NARS2: variants seen among roughly 807,000 people sequenced by gnomAD.
The protein encoded by NARS2 is asparaginyl-tRNA synthetase.
Under a neutral mutation model 62.9 loss-of-function variants are expected in NARS2, and 60 were observed. That is an observed-to-expected ratio of 0.95 (90% CI 0.77 to 1.18). The LOEUF (loss-of-function observed/expected upper bound fraction) is 1.18. Among genes scored for constraint, NARS2 ranks in the 50% most tolerant of loss-of-function variants. The pLI, the probability that NARS2 is intolerant of heterozygous loss-of-function variation, is 0.00. For synonymous variants in NARS2, 196 were observed against 200.0 expected, an observed-to-expected ratio of 0.98 and a Z score of 0.17; for missense variants, 619 against 576.4, an observed-to-expected ratio of 1.07 and a Z score of -0.76.
intron 11 of NARS2, among the ~76,000 whole-genome samples, chr11:78,451,053 G>A (rs1048409100): frequency 2.0e-5 from 3 of 151,952 alleles, no homozygotes; most frequent in Admixed American, 6.6e-5. Flanking sequence ...CCCTTCCACC[G>A]TATCAGATTC....
Position 78,453,098 on chromosome 11 carries a change from G to A in NARS2, c.1165-9340C>T, listed in dbSNP as rs868113042. On this transcript the variant is annotated intron_variant, in intron 11 of 13. Transcript: ENST00000281038. The stretch of plus-strand genomic sequence containing the variant: ...AATCTCTATTGTGTTTCTGTGCATC[G>A]TTGGGAGGCTTGAACTAAGCAGAAG... Among the ~76,000 whole-genome samples the A allele has an allele frequency of 2.0e-5, 3 of 152,186 alleles. No individual in the cohort carries two copies. In the East Asian group the frequency reaches 5.8e-4, roughly 29 times the overall value.
At chr11:78,538,519 A>G (rs371461653) in intron 5 of NARS2, among the ~76,000 whole-genome samples, 1 of 152,306 alleles carries the variant, frequency 6.6e-6, no homozygotes, top group East Asian at 1.9e-4. Context: ...GCTCTTAAGC[A>G]GTAACAAGCA....
chr11:78,515,933 C>T (rs1452850219), intron 6 of NARS2, among the ~76,000 whole-genome samples: 1 of 152,112 alleles, frequency 6.6e-6, no homozygotes, highest in African/African-American at 2.4e-5. Context: ...TTACAGAAAC[C>T]CACCAGATAG....
intron 4 of NARS2, among the ~76,000 whole-genome samples, chr11:78,564,606 A>T (rs965398898): frequency 5.9e-5 from 9 of 152,114 alleles, no homozygotes; most frequent in Non-Finnish European, 1.2e-4. Flanking sequence ...CAATACCACC[A>T]CCTAGTGGCC....
rs536558092 is a variant in NARS2 at position 78,546,249 on chromosome 11, C to G, written c.594+13290G>C. 2.0e-5 allele frequency among the ~76,000 whole-genome samples: 3 copies of G among 152,312 alleles called. No individual in the cohort carries two copies. In the South Asian group the frequency reaches 6.2e-4, roughly 32 times the overall value. ...AGGTATCTCTGTCTTACCATGCAGC[C>G]TTCCCACACAAATAGTTTGAGGTCT... On this transcript the variant is annotated intron_variant, in intron 5 of 13. Coordinates refer to ENST00000281038, the MANE Select transcript of NARS2 (RefSeq NM_024678.6).
chr11:78,502,079 A>AT (rs1418823328), intron 6 of NARS2, among the ~76,000 whole-genome samples: 10 of 152,262 alleles, frequency 6.6e-5, no homozygotes, highest in African/African-American at 2.4e-4. Context: ...CAAAGGCCAC[A>AT]TACTATATGA....
intron 6 of NARS2, among the ~76,000 whole-genome samples, chr11:78,513,792 G>A (rs1000449075): frequency 1.3e-5 from 2 of 152,096 alleles, no homozygotes; most frequent in Non-Finnish European, 2.9e-5. Flanking sequence ...ACCTGTCTCT[G>A]CCCCAATCTC....
intron 5 of NARS2, chr11:78,533,447 G>A (rs1170163432): frequency 6.6e-6 from 1 of 152,176 alleles, no homozygotes; most frequent in East Asian, 1.9e-4. Context: ...TTATCATGGA[G>A]AAAGCAGTTT....
At chr11:78,443,871 G>A in intron 11 of NARS2, 113 bp from the exon 12 acceptor site, 2 of 674,768 alleles carry the variant, frequency 3.0e-6, no homozygotes, top group Non-Finnish European at 5.2e-6. Context: ...CTACCTACCA[G>A]AATCTTACTG....
At chr11:78,548,357 C>A (rs1453463890) in intron 5 of NARS2, among the ~76,000 whole-genome samples, 1 of 150,686 alleles carries the variant, frequency 6.6e-6, no homozygotes, top group Non-Finnish European at 1.5e-5. Context: ...CATCTAAAAA[C>A]GTTTAAAAGA....
chr11:78,543,831 G>A (rs1167382130), intron 5 of NARS2, among the ~76,000 whole-genome samples: 5 of 152,140 alleles, frequency 3.3e-5, no homozygotes, highest in Admixed American at 6.5e-5. Flanking sequence ...AAGAGATTGA[G>A]ACCATCCTGG....
chr11:78,521,572 C>T (rs755035144), intron 6 of NARS2, among the ~76,000 whole-genome samples: 1 of 152,136 alleles, frequency 6.6e-6, no homozygotes, highest in East Asian at 1.9e-4. Flanking sequence ...GAGCGGATCA[C>T]GAGGTCAGGA....
At chr11:78,499,206 G>A (rs989557344) in intron 6 of NARS2, among the ~76,000 whole-genome samples, 3 of 151,932 alleles carry the variant, frequency 2.0e-5, no homozygotes, top group Non-Finnish European at 4.4e-5. Flanking sequence ...GTGAGCCACC[G>A]CGCCCGGCCC....
At chr11:78,573,253 T>C (rs948103613) in intron 1 of NARS2, 1 of 152,200 alleles carries the variant, frequency 6.6e-6, no homozygotes, top group Non-Finnish European at 1.5e-5. Context: ...GTATTTATTA[T>C]AACAACATCT....
At chr11:78,552,708 T>C (rs2135495964) in intron 5 of NARS2, among the ~76,000 whole-genome samples, 1 of 152,258 alleles carries the variant, frequency 6.6e-6, no homozygotes, top group South Asian at 2.1e-4. Context: ...CCACTTCGAG[T>C]TCTCCCATCT....
intron 5 of NARS2, chr11:78,546,596 A>G (rs545879818): frequency 6.6e-6 from 1 of 152,358 alleles, no homozygotes; most frequent in East Asian, 1.9e-4. Context: ...CATGTCATGT[A>G]GTCAATTAAT....
At chr11:78,445,965 A>T (rs886451502) in intron 11 of NARS2, among the ~76,000 whole-genome samples, 21 of 152,050 alleles carry the variant, frequency 1.4e-4, no homozygotes, top group Non-Finnish European at 2.2e-4. Context: ...GTCTCAAAAA[A>T]ATATATATAT....
chr11:78,507,808 T>G (rs1483143616), intron 6 of NARS2, among the ~76,000 whole-genome samples: 1 of 152,118 alleles, frequency 6.6e-6, no homozygotes, highest in Non-Finnish European at 1.5e-5. Context: ...CGTTAGCCAC[T>G]GGCACCCAGC....
intron 9 of NARS2, among the ~76,000 whole-genome samples, chr11:78,474,100 A>G (rs1858986848): frequency 6.6e-6 from 1 of 152,220 alleles, no homozygotes; most frequent in East Asian, 1.9e-4. Context: ...ACGTATTTAA[A>G]AGAATCTTAT....
Sources: gnomAD v4.1 joint callset for allele counts (sites outside exome capture counted in the v4.1 genomes callset) on GRCh38, gnomAD v4.1.1 for gene constraint, MANE v1.5 for transcripts, NCBI Gene and HGNC (gene_info 2026-07-23, HGNC 2026-07-21) for gene names.